FRMPD1: variants seen among roughly 807,000 people sequenced by gnomAD.
FRMPD1 encodes FERM and PDZ domain-containing protein 1.
A neutral mutation model predicts 117.8 loss-of-function variants in FRMPD1; 76 were observed. The ratio of observed to expected loss-of-function variants is 0.65; its 90% CI spans 0.54 to 0.78. The LOEUF is 0.78. Ranked by LOEUF, FRMPD1 falls within the 30% of genes least tolerant of loss-of-function variation. The pLI is 0.00. For synonymous variants in FRMPD1, 783 were observed against 770.4 expected (o/e 1.02, Z -0.27); for missense variants, 1,786 against 1,964.5 (o/e 0.91, Z 1.72).
At chr9:37,664,866 T>G (rs972099794) in intron 1 of FRMPD1, among the ~76,000 whole-genome samples, 3 of 152,154 alleles carry the variant, frequency 2.0e-5, no homozygotes, top group Non-Finnish European at 4.4e-5. Flanking sequence ...GGAGCATAAT[T>G]GGGATAGCTT....
chr9:37,621,133 T>C, the FRMPD1 span, among the ~76,000 whole-genome samples: 2 of 152,048 alleles, frequency 1.3e-5, no homozygotes, highest in Non-Finnish European at 2.9e-5. Context: ...ATATTTCATA[T>C]CAGGAAGGCA....
At chr9:37,645,033 G>A in the FRMPD1 span, among the ~76,000 whole-genome samples, 1 of 151,010 alleles carries the variant, frequency 6.6e-6, no homozygotes, top group African/African-American at 2.4e-5. Context: ...GGCCACACTT[G>A]ATGCTGGCCA....
chr9:37,667,977 G>C (rs974444472), intron 1 of FRMPD1: 4 of 152,304 alleles, frequency 2.6e-5, no homozygotes, highest in African/African-American at 9.6e-5. Context: ...GGCTTAGTGA[G>C]CTAATGCCAT....
At chr9:37,728,988 C>T (rs2118358271) in intron 7 of FRMPD1, among the ~76,000 whole-genome samples, 1 of 148,216 alleles carries the variant, frequency 6.7e-6, no homozygotes, top group East Asian at 2.0e-4. Flanking sequence ...AAGTTTCACT[C>T]AGTTGCATAG....
At chr9:37,715,710 A>G in intron 5 of FRMPD1, 1 of 456,286 alleles carries the variant, frequency 2.2e-6, no homozygotes, top group Non-Finnish European at 4.4e-6. Context: ...AATATGTTCT[A>G]GATGCCAAGA....
chr9:37,683,438 A>G (rs1263890010), intron 1 of FRMPD1, among the ~76,000 whole-genome samples: 1 of 152,240 alleles, frequency 6.6e-6, no homozygotes, highest in Non-Finnish European at 1.5e-5. Flanking sequence ...AGGGATCATT[A>G]TCATTGTTTT....
intron 15 of FRMPD1, among the ~76,000 whole-genome samples, chr9:37,741,450 G>GACACACACACACACAC (rs56971939): frequency 1.0e-3 from 137 of 135,724 alleles, no homozygotes; most frequent in African/African-American, 3.4e-3. Flanking sequence ...ATCCTGGCAG[G>GACACACACACACACAC]ACACACACAC....
intron 1 of FRMPD1, among the ~76,000 whole-genome samples, chr9:37,678,579 A>G (rs1444026703): frequency 6.7e-6 from 1 of 149,236 alleles, no homozygotes. Context: ...ACTTTCTAAC[A>G]GTCTTAATTT....
At chr9:37,610,558 G>A in the FRMPD1 span, among the ~76,000 whole-genome samples, 1 of 150,768 alleles carries the variant, frequency 6.6e-6, no homozygotes, top group Non-Finnish European at 1.5e-5. Flanking sequence ...ATATGTTAGA[G>A]ATTGTGTTAT....
At chr9:37,726,250 T>G (rs891613377) in intron 7 of FRMPD1, among the ~76,000 whole-genome samples, 8 of 152,282 alleles carry the variant, frequency 5.3e-5, no homozygotes, top group African/African-American at 1.9e-4. Flanking sequence ...CAGTGACTTC[T>G]CTTCCCCTTT....
At chr9:37,730,210 G>C (rs1032457718) in intron 8 of FRMPD1, among the ~76,000 whole-genome samples, 8 of 152,194 alleles carry the variant, frequency 5.3e-5, no homozygotes, top group Non-Finnish European at 1.2e-4. Context: ...AGCCATTAGG[G>C]AAGCATTTGT....
intron 1 of FRMPD1, among the ~76,000 whole-genome samples, chr9:37,653,714 G>T (rs922631984): frequency 5.9e-5 from 9 of 152,168 alleles, no homozygotes; most frequent in Non-Finnish European, 1.3e-4. Context: ...GCGGGGTACT[G>T]GCTCCCTTCT....
At chr9:37,736,933 A>G (rs1824161356) in intron 13 of FRMPD1, among the ~76,000 whole-genome samples, 163 bp from the exon 14 acceptor site, 1 of 151,696 alleles carries the variant, frequency 6.6e-6, no homozygotes, top group South Asian at 2.1e-4. Context: ...GCATGTCCTC[A>G]TTTAAAGCCT....
the FRMPD1 span, among the ~76,000 whole-genome samples, chr9:37,604,696 G>A: frequency 6.6e-6 from 1 of 152,200 alleles, no homozygotes. Flanking sequence ...CAAGGCACCA[G>A]CCAAATGTTA....
At chr9:37,629,688 T>TA in the FRMPD1 span, among the ~76,000 whole-genome samples, 3 of 152,078 alleles carry the variant, frequency 2.0e-5, no homozygotes, top group Admixed American at 6.6e-5. Context: ...CAGTGCTTTT[T>TA]AAAAAAAATG....
chr9:37,645,175 T>G, the FRMPD1 span, among the ~76,000 whole-genome samples: 3 of 151,700 alleles, frequency 2.0e-5, no homozygotes, highest in Admixed American at 2.0e-4. Context: ...CTGAACCCAG[T>G]CCTATCTTTT....
At chr9:37,688,277 T>A (rs1014548474) in intron 1 of FRMPD1, among the ~76,000 whole-genome samples, 18 of 151,330 alleles carry the variant, frequency 1.2e-4, no homozygotes, top group Non-Finnish European at 2.1e-4. Context: ...CTACTTTCAA[T>A]CCCATTAACA....
At chr9:37,627,040 C>A in the FRMPD1 span, among the ~76,000 whole-genome samples, 2 of 152,092 alleles carry the variant, frequency 1.3e-5, no homozygotes, top group East Asian at 3.9e-4. Flanking sequence ...GTTACTCCAC[C>A]TTCGAGGCGA....
chr9:37,703,331 G>T (rs1365204069), intron 2 of FRMPD1, among the ~76,000 whole-genome samples: 1 of 152,062 alleles, frequency 6.6e-6, no homozygotes, highest in Non-Finnish European at 1.5e-5. Context: ...CCTTTCAGTT[G>T]TGCTTCTTTG....
Sources: gnomAD v4.1 joint callset for allele counts (sites outside exome capture counted in the v4.1 genomes callset) on GRCh38, gnomAD v4.1.1 for gene constraint, MANE v1.5 for transcripts, NCBI Gene and HGNC (gene_info 2026-07-23, HGNC 2026-07-21) for gene names.